The following RAB40A variants were observed in gnomAD, a reference collection of about 807,000 sequenced individuals.
RAB40A encodes the protein ras-related protein Rab-40A.
For missense variants in RAB40A, 145 were observed against 230.2 expected, an observed-to-expected ratio of 0.63 and a Z score of 2.40; for synonymous variants, 65 against 99.9, an observed-to-expected ratio of 0.65 and a Z score of 2.08.
At chrX:103,512,049 C>T (rs1359882024) in intron 2 of RAB40A, among the ~76,000 whole-genome samples, 1 of 110,910 alleles carries the variant, frequency 9.0e-6, no homozygotes, top group Non-Finnish European at 1.9e-5. Flanking sequence ...ATGGCCATCA[C>T]CAGATACTAG....
chrX:103,514,116 G>A lies in RAB40A; in HGVS notation c.-71+3258C>T, dbSNP rs140923310. Among the ~76,000 whole-genome samples, 315 of 111,663 alleles carry A rather than the reference G, an allele frequency of 2.8e-3. 2 individuals are homozygous for A. Among genetic ancestry groups the A allele is most frequent in the Non-Finnish European group, 4.9e-3 (261 of 53,127 alleles). On this transcript the variant is annotated intron_variant, in intron 2 of 2. Transcript: ENST00000304236. ...AGTACACATGTAAAGAGGCATATAT[G>A]GCAGGTCACAGTGTTGAGATATGAA...
At chrX:103,511,226 C>T (rs1330698225) in intron 2 of RAB40A, among the ~76,000 whole-genome samples, 2 of 111,235 alleles carry the variant, frequency 1.8e-5, no homozygotes, top group Admixed American at 9.5e-5. Flanking sequence ...TGGCCGGGCA[C>T]GGTGGCTCAT....
At chrX:103,503,268 T>C (rs1427973113) in intron 2 of RAB40A, 3 of 751,110 alleles carry the variant, frequency 4.0e-6, no homozygotes, top group Non-Finnish European at 3.1e-6. Flanking sequence ...ACAGAGAGGA[T>C]AGAGGTCACA....
At chrX:103,498,745 A>G (rs909473837), downstream of RAB40A, among the ~76,000 whole-genome samples, 5 of 112,338 alleles carry the variant, frequency 4.5e-5, no homozygotes, top group African/African-American at 1.6e-4. Context: ...CTTTGTTACA[A>G]TCACCCTATG....
At chrX:103,514,662 T>C (rs775588230) in intron 2 of RAB40A, among the ~76,000 whole-genome samples, 71 of 112,106 alleles carry the variant, frequency 6.3e-4, no homozygotes, top group African/African-American at 2.2e-3. Context: ...AGACTTTAAG[T>C]GAATTTCAGT....
At chrX:103,496,103 T>C (rs2046634238), downstream of RAB40A, among the ~76,000 whole-genome samples, 1 of 112,080 alleles carries the variant, frequency 8.9e-6, no homozygotes, top group South Asian at 3.7e-4. Flanking sequence ...TTCTCCAGTG[T>C]GTGGTAACTA....
chrX:103,496,764 C>T (rs960407369), downstream of RAB40A, among the ~76,000 whole-genome samples: 2 of 112,444 alleles, frequency 1.8e-5, no homozygotes, highest in Non-Finnish European at 3.8e-5. Context: ...ACAGCCTTCA[C>T]GTTATCTGAC....
Position 103,499,644 on chromosome X carries a change from T to G in RAB40A, c.*279A>C. On this transcript the variant is annotated 3_prime_UTR_variant, in exon 3 of 3. Transcript: ENST00000304236. ...AGCGTGATTATGATATAAGTAACAT[T>G]CAAAATTTCACGTTATCAAGAGTTG... is the stretch of plus-strand genomic sequence containing the variant. The G allele has an allele frequency of 2.4e-6, 1 of 414,087 alleles. No individual in the cohort carries two copies. Among genetic ancestry groups the G allele is most frequent in the Non-Finnish European group, 4.3e-6 (1 of 234,370 alleles). 34.1% of individuals were successfully genotyped at this position (414,087 alleles called of 1,213,427 possible). A position where few individuals can be genotyped will look rare whatever the true frequency, so the allele number is the denominator to read the frequency against.
chrX:103,499,722 T>G lies in RAB40A; in HGVS notation c.*201A>C. The G allele has an allele frequency of 1.0e-5, 5 of 487,719 alleles. No homozygotes were observed. The East Asian group carries it at 1.1e-4, about 11-fold the overall frequency. The allele number at this position is 487,719 out of a possible 1,213,427, so 40.2% of individuals were successfully genotyped here. Reference sequence around the variant, plus strand: ...ACACACGTTTAAAACAAGAGCTTCATGCACATCCAAATAGAAATTCAAAGT... The same window carrying G: ...ACACACGTTTAAAACAAGAGCTTCAGGCACATCCAAATAGAAATTCAAAGT... On this transcript the variant is annotated 3_prime_UTR_variant, in exon 3 of 3. Coordinates refer to ENST00000304236, the MANE Select transcript of RAB40A (RefSeq NM_080879.3).
intron 2 of RAB40A, among the ~76,000 whole-genome samples, chrX:103,515,527 A>T (rs1444826761): frequency 8.9e-6 from 1 of 112,414 alleles, no homozygotes; most frequent in Non-Finnish European, 1.9e-5. Context: ...ATTATGTATC[A>T]GATGGTTTCT....
At chrX:103,501,834 A>G (rs759498738) in intron 2 of RAB40A, 1 of 123,539 alleles carries the variant, frequency 8.1e-6, no homozygotes, top group Non-Finnish European at 1.9e-5. Flanking sequence ...TTAATTTGCA[A>G]AAGAAAAAGA....
chrX:103,505,727 T>C (rs371306013), intron 2 of RAB40A, among the ~76,000 whole-genome samples: 103 of 112,169 alleles, frequency 9.2e-4, no homozygotes, highest in African/African-American at 3.0e-3. Context: ...ATATTTTCTT[T>C]CTTAAGAGTA....
chrX:103,510,345 C>T (rs2073282667), intron 2 of RAB40A, among the ~76,000 whole-genome samples: 1 of 111,970 alleles, frequency 8.9e-6, no homozygotes, highest in Non-Finnish European at 1.9e-5. Flanking sequence ...ACTACGAGCA[C>T]CAAATGACTC....
intron 2 of RAB40A, chrX:103,502,660 A>C: frequency 1.3e-6 from 1 of 742,744 alleles, no homozygotes; most frequent in Non-Finnish European, 1.6e-6. Flanking sequence ...GTGGAATCTG[A>C]CATTTCTCAA....
At chrX:103,518,914 C>T in intron 1 of RAB40A, among the ~76,000 whole-genome samples, 1 of 111,669 alleles carries the variant, frequency 9.0e-6, no homozygotes, top group Non-Finnish European at 1.9e-5. Flanking sequence ...AGAATATCAT[C>T]CTTTTATGAC....
intron 2 of RAB40A, among the ~76,000 whole-genome samples, chrX:103,505,667 T>C (rs1177350991): frequency 2.7e-5 from 3 of 111,824 alleles, no homozygotes; most frequent in African/African-American, 6.5e-5. Flanking sequence ...TCTCCTTGTT[T>C]CCAAAAAATT....
At chrX:103,519,006 T>C (rs2073329411) in intron 1 of RAB40A, among the ~76,000 whole-genome samples, 1 of 111,814 alleles carries the variant, frequency 8.9e-6, no homozygotes, top group South Asian at 3.7e-4. Flanking sequence ...AATTTTATAA[T>C]GGATGGATCA....
At chrX:103,514,941 C>T (rs1039607239) in intron 2 of RAB40A, among the ~76,000 whole-genome samples, 1 of 111,917 alleles carries the variant, frequency 8.9e-6, no homozygotes, top group African/African-American at 3.2e-5. Context: ...ATGTATGCAT[C>T]ATAATGTACA....
At chrX:103,518,129 T>C (rs1201017194) in intron 1 of RAB40A, among the ~76,000 whole-genome samples, 1 of 111,869 alleles carries the variant, frequency 8.9e-6, no homozygotes, top group Admixed American at 9.5e-5. Flanking sequence ...ATTTTCACCT[T>C]TGTAGAAATT....
Sources: allele counts gnomAD v4.1 joint callset (sites outside exome capture counted in the v4.1 genomes callset), GRCh38; gene constraint gnomAD v4.1.1; transcripts MANE v1.5; gene names NCBI Gene and HGNC (gene_info 2026-07-23, HGNC 2026-07-21).